Variants in KLHL3 observed in about 807,000 individuals in gnomAD.
KLHL3 encodes kelch like family member 3, also known as kelch-like protein 3.
In KLHL3, 19 loss-of-function variants were observed where a neutral mutation model predicts 70.5. The ratio of observed to expected loss-of-function variants is 0.27; its 90% confidence interval spans 0.19 to 0.40. The LOEUF (loss-of-function observed/expected upper bound fraction) is 0.40, where lower values mean the gene tolerates loss of function less well. KLHL3 is among the 10% of genes least tolerant of loss of function. KLHL3 has a pLI of 1.00. For missense variants in KLHL3, 512 were observed against 771.1 expected (o/e 0.66, Z 3.98); for synonymous variants, 258 against 290.3 (o/e 0.89, Z 1.13).
chr5:137,626,519 C>T (rs1750465210), intron 13 of KLHL3, among the ~76,000 whole-genome samples: 1 of 152,130 alleles, frequency 6.6e-6, no homozygotes, highest in Non-Finnish European at 1.5e-5. Context: ...TGAATTATTG[C>T]TCATTAAGAC....
At chr5:137,666,199 G>A (rs144248223) in intron 6 of KLHL3, among the ~76,000 whole-genome samples, 1 of 152,324 alleles carries the variant, frequency 6.6e-6, no homozygotes, top group East Asian at 1.9e-4. Context: ...GGAAGGAGAT[G>A]TGTGGAAGCT....
intron 8 of KLHL3, among the ~76,000 whole-genome samples, chr5:137,647,251 T>C (rs1310490281): frequency 2.6e-5 from 4 of 152,224 alleles, no homozygotes; most frequent in African/African-American, 4.8e-5. Flanking sequence ...CTTGTTTACA[T>C]AGATGATTCT....
At chr5:137,721,818 A>G (rs1433430070) in intron 1 of KLHL3, among the ~76,000 whole-genome samples, 1 of 152,236 alleles carries the variant, frequency 6.6e-6, no homozygotes, top group Admixed American at 6.5e-5. Context: ...AAAATACTCA[A>G]ATCCCTGTGG....
At chr5:137,730,003 G>A (rs568748754) in intron 1 of KLHL3, among the ~76,000 whole-genome samples, 14 of 152,270 alleles carry the variant, frequency 9.2e-5, no homozygotes, top group African/African-American at 3.1e-4. Flanking sequence ...ACATGGACAC[G>A]TAGAACACAT....
rs201162792 is a variant in KLHL3, at chr5:137,688,167, AAAAATAAAAT to A, written c.526+4108_526+4117del. Among the ~76,000 whole-genome samples, 22 of 144,532 alleles carry A rather than the reference AAAAATAAAAT, an allele frequency of 1.5e-4. 8 individuals carry two copies. The highest frequency in any genetic ancestry group is 2.6e-4 in the Non-Finnish European group (17 of 66,556). The allele number at this position is 144,532 out of a possible 152,430, so 94.8% of individuals were successfully genotyped here. A position where few individuals can be genotyped will look rare whatever the true frequency, so the allele number is the denominator to read the frequency against. On this transcript the variant is annotated intron_variant, in intron 5 of 14. Coordinates refer to ENST00000309755, the MANE Select transcript of KLHL3 (RefSeq NM_017415.3). ...AAACACCCAAGAATGATCAATAAAA[AAAAATAAAAT>A]AAAATAAAATAAAATAAAATAAAAT...
rs952666358 is a variant in KLHL3 at position 137,620,586 on chromosome 5, T to C, written c.*1512A>G. 6.6e-6 allele frequency: 1 copy of C among 152,242 alleles called. No homozygotes were observed. Among genetic ancestry groups the C allele is most frequent in the African/African-American group, 2.4e-5 (1 of 41,456 alleles). 9.4% of individuals were successfully genotyped at this position (152,242 alleles called of 1,614,324 possible). On this transcript the variant is annotated 3_prime_UTR_variant, in exon 15 of 15. Transcript: ENST00000309755. ...GACTTCCCCTGCTTATGCCAGAAAT[T>C]TCAGCATGAGCAATTTGCTAGTTTA...
intron 4 of KLHL3, among the ~76,000 whole-genome samples, chr5:137,695,530 G>T (rs1217692891): frequency 6.6e-6 from 1 of 152,184 alleles, no homozygotes; most frequent in Non-Finnish European, 1.5e-5. Flanking sequence ...GAGGCTGGAA[G>T]ATGTATCACT....
At chr5:137,705,858 T>C (rs543134064) in intron 3 of KLHL3, 11 of 269,040 alleles carry the variant, frequency 4.1e-5, no homozygotes, top group Non-Finnish European at 6.3e-5. Flanking sequence ...ATGGAGGTGC[T>C]GGATGGGGAG....
At chr5:137,683,842 T>C (rs1752096756) in intron 5 of KLHL3, among the ~76,000 whole-genome samples, 1 of 151,596 alleles carries the variant, frequency 6.6e-6, no homozygotes, top group African/African-American at 2.4e-5. Flanking sequence ...CCAAGGGCCA[T>C]AATAGTGCTA....
At chr5:137,626,004 C>A in intron 13 of KLHL3, 108 bp from the exon 14 acceptor site, 1 of 1,316,176 alleles carries the variant, frequency 7.6e-7, no homozygotes. Flanking sequence ...TTCCTCCCTT[C>A]ATGGCAATAC....
At chr5:137,648,871 G>A (rs984518833) in intron 8 of KLHL3, among the ~76,000 whole-genome samples, 2 of 152,178 alleles carry the variant, frequency 1.3e-5, no homozygotes, top group African/African-American at 2.4e-5. Flanking sequence ...AAACCAGCCT[G>A]CCCTTGGAAT....
At chr5:137,648,255 C>T (rs1271593372) in intron 8 of KLHL3, among the ~76,000 whole-genome samples, 1 of 152,144 alleles carries the variant, frequency 6.6e-6, no homozygotes, top group African/African-American at 2.4e-5. Context: ...GGGGCCTGGG[C>T]CAAATGAGAG....
At position 137,628,652 on chromosome 5, in the gene KLHL3, T is replaced by C. The variant is rs138928766; in HGVS notation, c.1451-215A>G. On this transcript the variant is annotated intron_variant, in intron 12 of 14. Coordinates refer to ENST00000309755, the MANE Select transcript of KLHL3 (RefSeq NM_017415.3). Reference sequence around the variant, plus strand: ...CTAGCAACCTCAAAACTTTGAAATATAATGCAAATGTGACCCAAATTCTGT... The same window carrying C: ...CTAGCAACCTCAAAACTTTGAAATACAATGCAAATGTGACCCAAATTCTGT... 72 of 460,828 alleles carry C rather than the reference T, an allele frequency of 1.6e-4. No homozygotes were observed. The East Asian group carries it at 2.3e-3, about 15-fold the overall frequency. The allele number at this position is 460,828 out of a possible 1,614,324, so 28.5% of individuals were successfully genotyped here. A position where few individuals can be genotyped will look rare whatever the true frequency, so the allele number is the denominator to read the frequency against.
chr5:137,730,242 A>C (rs927577806), intron 1 of KLHL3, among the ~76,000 whole-genome samples: 1 of 152,216 alleles, frequency 6.6e-6, no homozygotes, highest in African/African-American at 2.4e-5. Context: ...AACAATGTCC[A>C]CTGACTCGGG....
At position 137,658,275 on chromosome 5, in the gene KLHL3, A is replaced by G. The variant is rs763942731; in HGVS notation, c.759T>C (p.Val253=). ...LLPRDYLVQT[V]EEEALIKNNN... is the part of the protein sequence containing the mutation. ...TATTCTTTATCAAAGCTTCTTCTTC[A>G]ACCGTCTAGAGGTAATAATCCACAG... Residue 253 remains valine (V), a synonymous_variant, in exon 8 of 15, where the codon GTT becomes GTC. Coordinates refer to ENST00000309755, the MANE Select transcript of KLHL3 (RefSeq NM_017415.3). 6 of 1,614,052 alleles carry G rather than the reference A, an allele frequency of 3.7e-6. No homozygotes were observed. Among genetic ancestry groups the G allele is most frequent in the Non-Finnish European group, 5.1e-6 (6 of 1,179,926 alleles).
chr5:137,689,747 C>T (rs1752271210), intron 5 of KLHL3, among the ~76,000 whole-genome samples: 1 of 152,150 alleles, frequency 6.6e-6, no homozygotes, highest in African/African-American at 2.4e-5. Flanking sequence ...TCAACAGAAG[C>T]CAAAACTCAG....
In KLHL3 at chr5:137,658,242, G is replaced by T; in HGVS notation, c.792C>A (p.Thr264=). The stretch of plus-strand genomic sequence containing the variant: ...TGGCCTCAATGAGGAAGTCTTTACA[G>T]GTGTTGTTATTCTTTATCAAAGCTT... The part of the protein sequence containing the change: ...EEEALIKNNN[T]CKDFLIEAMK... Residue 264 remains threonine (T), a synonymous_variant, in exon 8 of 15, where the codon ACC becomes ACA. Coordinates refer to ENST00000309755, the MANE Select transcript of KLHL3 (RefSeq NM_017415.3). The T allele has an allele frequency of 6.2e-7, 1 of 1,613,716 alleles. No homozygotes were observed. The highest frequency in any genetic ancestry group is 8.5e-7 in the Non-Finnish European group (1 of 1,179,612).
intron 13 of KLHL3, among the ~76,000 whole-genome samples, chr5:137,627,103 T>A (rs537822635): frequency 6.6e-6 from 1 of 152,210 alleles, no homozygotes; most frequent in East Asian, 1.9e-4. Context: ...GTATTACTTA[T>A]AGGATAGAAA....
chr5:137,658,605 C>T (rs1476728542), intron 7 of KLHL3, among the ~76,000 whole-genome samples: 2 of 152,166 alleles, frequency 1.3e-5, no homozygotes, highest in African/African-American at 4.8e-5. Context: ...TTATGCAAAA[C>T]AAAAGACAAG....
Sources: allele counts gnomAD v4.1 joint callset (sites outside exome capture counted in the v4.1 genomes callset), GRCh38; gene constraint gnomAD v4.1.1; transcripts MANE v1.5; gene names NCBI Gene and HGNC (gene_info 2026-07-23, HGNC 2026-07-21).